GCNT2: variants seen among roughly 807,000 people sequenced by gnomAD.
GCNT2 encodes the protein glucosaminyl (N-acetyl) transferase 2 (I blood group).
In GCNT2, 34 loss-of-function variants were observed where a neutral mutation model predicts 34.2. The ratio of observed to expected loss-of-function variants is 1.00; its 90% confidence interval spans 0.76 to 1.32. The LOEUF (loss-of-function observed/expected upper bound fraction) is 1.32. GCNT2 is among the 40% of genes most tolerant of loss of function. The pLI is 0.00. For missense variants in GCNT2, 584 were observed against 489.4 expected (o/e 1.19, Z -1.82); for synonymous variants, 212 against 188.0 (o/e 1.13, Z -1.04).
chr6:10,617,143 G>C (rs914443291), intron 3 of GCNT2, among the ~76,000 whole-genome samples: 1 of 152,168 alleles, frequency 6.6e-6, no homozygotes, highest in Non-Finnish European at 1.5e-5. Flanking sequence ...GGCCGCGCAG[G>C]AGCCCATGGC....
In GCNT2 at chr6:10,589,218, T is replaced by G. The variant is rs568134365; in HGVS notation, c.926-32133T>G. On this transcript the variant is annotated intron_variant, in intron 3 of 4. Coordinates refer to ENST00000495262, the MANE Select transcript of GCNT2 (RefSeq NM_145649.5). ...GTGTATGGTGTGTGTGGTGTGTGTGTTTGCAGTGTATGTATCTGGTGTGTG... is the reference window on the plus strand; with the variant it reads ...GTGTATGGTGTGTGTGGTGTGTGTGGTTGCAGTGTATGTATCTGGTGTGTG... Among the ~76,000 whole-genome samples, 5 of 146,884 alleles carry G rather than the reference T, an allele frequency of 3.4e-5. No individual in the cohort carries two copies. In the South Asian group the frequency reaches 1.1e-3, roughly 32 times the overall value.
intron 3 of GCNT2, among the ~76,000 whole-genome samples, chr6:10,588,797 GT>G (rs1478166693): frequency 6.1e-5 from 9 of 147,824 alleles, no homozygotes. Context: ...GTGTGTGTGT[GT>G]GTGTGTGTGT....
At chr6:10,547,096 C>T (rs747806255) in intron 3 of GCNT2, among the ~76,000 whole-genome samples, 9 of 152,222 alleles carry the variant, frequency 5.9e-5, no homozygotes, top group South Asian at 2.1e-4. Context: ...AAAGAGCTCC[C>T]GTATACCTTT....
chr6:10,611,625 G>A lies in GCNT2; in HGVS notation c.926-9726G>A, dbSNP rs1016894162. Among the ~76,000 whole-genome samples the A allele has an allele frequency of 5.9e-5, 9 of 152,154 alleles. No homozygotes were observed. In the Middle Eastern group the frequency reaches 0.01, roughly 173 times the overall value. On this transcript the variant is annotated intron_variant, in intron 3 of 4. Coordinates refer to ENST00000495262, the MANE Select transcript of GCNT2 (RefSeq NM_145649.5). The stretch of plus-strand genomic sequence containing the variant: ...ATTACAGGCGTGAGCCACCATGCCC[G>A]GCCTATGTACTTTGAATTTCCAAAA...
chr6:10,615,014 G>C (rs1448681604), intron 3 of GCNT2, among the ~76,000 whole-genome samples: 3 of 152,186 alleles, frequency 2.0e-5, no homozygotes, highest in Non-Finnish European at 4.4e-5. Context: ...TATATTCCTA[G>C]CAGTGGGAAC....
At chr6:10,581,839 C>T in intron 3 of GCNT2, 1 of 984,828 alleles carries the variant, frequency 1.0e-6, no homozygotes. Flanking sequence ...ACAAATTTTA[C>T]AGAAAAGGGT....
At chr6:10,588,217 A>G (rs1024948431) in intron 3 of GCNT2, among the ~76,000 whole-genome samples, 1 of 152,218 alleles carries the variant, frequency 6.6e-6, no homozygotes, top group Non-Finnish European at 1.5e-5. Context: ...CTGTCAGGTC[A>G]CAAAGACTTG....
At chr6:10,531,514 T>C (rs1371811015) in intron 3 of GCNT2, among the ~76,000 whole-genome samples, 1 of 152,222 alleles carries the variant, frequency 6.6e-6, no homozygotes, top group Non-Finnish European at 1.5e-5. Context: ...TTTGTACAGC[T>C]TCCAAGTGAT....
intron 3 of GCNT2, among the ~76,000 whole-genome samples, chr6:10,570,720 G>C (rs1051710474): frequency 6.6e-6 from 1 of 152,164 alleles, no homozygotes; most frequent in Non-Finnish European, 1.5e-5. Flanking sequence ...TCCTGCCTTA[G>C]AGTCCAAATC....
chr6:10,525,027 G>T (rs1005424780), intron 1 of GCNT2, among the ~76,000 whole-genome samples: 3 of 152,082 alleles, frequency 2.0e-5, no homozygotes, highest in Non-Finnish European at 4.4e-5. Context: ...ATGGTAAAAT[G>T]AATATGTGAA....
intron 3 of GCNT2, chr6:10,587,000 T>C (rs1764384355): frequency 1.0e-6 from 1 of 970,116 alleles, no homozygotes. Flanking sequence ...GAAATTATTA[T>C]GAAATAAATT....
At chr6:10,534,443 C>T (rs1316403285) in intron 3 of GCNT2, among the ~76,000 whole-genome samples, 1 of 152,054 alleles carries the variant, frequency 6.6e-6, no homozygotes, top group Non-Finnish European at 1.5e-5. Context: ...GCCCATGCTG[C>T]TCTCTTGACA....
intron 4 of GCNT2, among the ~76,000 whole-genome samples, chr6:10,625,032 G>A (rs888897507): frequency 6.6e-6 from 1 of 152,030 alleles, no homozygotes. Flanking sequence ...GGTTCTCGCC[G>A]CCTGGTCATT....
chr6:10,546,374 G>A (rs1220237447), intron 3 of GCNT2, among the ~76,000 whole-genome samples: 1 of 152,112 alleles, frequency 6.6e-6, no homozygotes, highest in Admixed American at 6.5e-5. Context: ...AAAACCTACT[G>A]TTGTCCAGGC....
At chr6:10,585,905 G>T in intron 3 of GCNT2, 5 of 1,592,252 alleles carry the variant, frequency 3.1e-6, no homozygotes, top group Non-Finnish European at 4.3e-6. Context: ...TTCAAGACTG[G>T]CAAGAGAAGC....
chr6:10,604,981 TA>T (rs1179563624), intron 3 of GCNT2, among the ~76,000 whole-genome samples: 2 of 151,832 alleles, frequency 1.3e-5, no homozygotes, highest in African/African-American at 4.8e-5. Context: ...CCTGTCTCTA[TA>T]AAAAAATTTA....
intron 3 of GCNT2, among the ~76,000 whole-genome samples, chr6:10,606,675 T>TGGAAATTTCCATGAAAG (rs1765331154): frequency 6.7e-6 from 1 of 149,492 alleles, no homozygotes; most frequent in Non-Finnish European, 1.5e-5. Flanking sequence ...AGAAATTTAA[T>TGGAAATTTCCATGAAAG]AGTGGTTGAG....
chr6:10,566,799 G>A (rs561316168), intron 3 of GCNT2, among the ~76,000 whole-genome samples: 4 of 152,282 alleles, frequency 2.6e-5, no homozygotes, highest in Admixed American at 6.5e-5. Flanking sequence ...GCTTGTGCAC[G>A]CACACGTTTT....
chr6:10,606,821 T>G (rs1262901210), intron 3 of GCNT2, among the ~76,000 whole-genome samples: 1 of 152,070 alleles, frequency 6.6e-6, no homozygotes, highest in African/African-American at 2.4e-5. Context: ...CAGTATATGT[T>G]TTTTATATAA....
Sources: gnomAD v4.1 joint callset for allele counts (sites outside exome capture counted in the v4.1 genomes callset) on GRCh38, gnomAD v4.1.1 for gene constraint, MANE v1.5 for transcripts, NCBI Gene and HGNC (gene_info 2026-07-23, HGNC 2026-07-21) for gene names.